The following ZMYM5 variants were observed in gnomAD, a reference collection of about 807,000 sequenced individuals.
The protein encoded by ZMYM5 is zinc finger MYM-type protein 5.
In ZMYM5, 41 loss-of-function variants were observed where a neutral mutation model predicts 61.8. The ratio of observed to expected loss-of-function variants is 0.66; its 90% CI spans 0.52 to 0.86. ZMYM5 has a LOEUF of 0.86. Among genes scored for constraint, ZMYM5 ranks in the 40% least tolerant of loss-of-function variants. The pLI is 0.00. For missense variants in ZMYM5, 706 were observed against 786.7 expected (o/e 0.90, Z 1.23); for synonymous variants, 257 against 276.4 (o/e 0.93, Z 0.70).
intron 7 of ZMYM5, among the ~76,000 whole-genome samples, chr13:19,828,635 G>A (rs1891046072): frequency 6.6e-6 from 1 of 152,160 alleles, no homozygotes; most frequent in African/African-American, 2.4e-5. Flanking sequence ...AGAAACTATA[G>A]TAGTAATTCT....
At position 19,837,768 on chromosome 13, in the gene ZMYM5, G is replaced by T; in HGVS notation, c.926C>A (p.Ser309Tyr). The change falls in exon 6 of 8, where the codon TCC (serine) becomes TAC (tyrosine). Residue 309 changes from serine to tyrosine, a missense_variant. This residue lies in a region of ZMYM5 where 480 missense variants were observed against 461.7 expected (regional missense o/e 1.04). Coordinates refer to ENST00000337963, the MANE Select transcript of ZMYM5 (RefSeq NM_001142684.2). ...NVILPVESSK[S>Y]FQEFYSTSCL... ...AGATGTACTATAAAATTCTTGGAAGGATTTGCTTGATTCTACTGGAAGAAT... is the reference window on the plus strand; with the variant it reads ...AGATGTACTATAAAATTCTTGGAAGTATTTGCTTGATTCTACTGGAAGAAT... 6.3e-7 allele frequency: 1 copy of T among 1,591,710 alleles called. No individual in the cohort carries two copies. The highest frequency in any genetic ancestry group is 1.2e-5 in the South Asian group (1 of 85,754).
chr13:19,858,890 A>C (rs1349826617), intron 2 of ZMYM5, among the ~76,000 whole-genome samples: 1 of 152,184 alleles, frequency 6.6e-6, no homozygotes, highest in Non-Finnish European at 1.5e-5. Context: ...GTTGAGAGAT[A>C]TCTTCCCTCC....
At chr13:19,860,655 C>A (rs886112549) in intron 2 of ZMYM5, among the ~76,000 whole-genome samples, 3 of 151,742 alleles carry the variant, frequency 2.0e-5, no homozygotes, top group Non-Finnish European at 2.9e-5. Context: ...CCAGGCTAGT[C>A]TCGAACTTCT....
intron 4 of ZMYM5, among the ~76,000 whole-genome samples, chr13:19,840,924 G>A (rs1268545787): frequency 3.3e-5 from 5 of 151,244 alleles, no homozygotes; most frequent in Non-Finnish European, 7.4e-5. Flanking sequence ...TGATCCACCC[G>A]CCTTGGCCCC....
intron 2 of ZMYM5, among the ~76,000 whole-genome samples, chr13:19,860,034 G>C (rs1244711342): frequency 2.1e-5 from 3 of 141,152 alleles, no homozygotes; most frequent in African/African-American, 8.0e-5. Flanking sequence ...AGCCCAGGAG[G>C]CAGAGGTTGC....
chr13:19,851,564 A>C (rs969589950), intron 3 of ZMYM5, 116 bp from the exon 4 acceptor site: 2 of 1,541,862 alleles, frequency 1.3e-6, no homozygotes, highest in African/African-American at 2.7e-5. Flanking sequence ...ATATGTAATA[A>C]TTATGTTCAC....
At chr13:19,832,137 C>T (rs1321597396) in intron 7 of ZMYM5, among the ~76,000 whole-genome samples, 9 of 151,630 alleles carry the variant, frequency 5.9e-5, no homozygotes, top group Admixed American at 4.6e-4. Flanking sequence ...GGATTACAGG[C>T]GTGAGGCACC....
chr13:19,826,990 G>C (rs575099661), intron 7 of ZMYM5, among the ~76,000 whole-genome samples: 1 of 152,284 alleles, frequency 6.6e-6, no homozygotes, highest in South Asian at 2.1e-4. Flanking sequence ...AACTAGTTGC[G>C]AAGTACTTGT....
chr13:19,828,645 T>C (rs1430293782), intron 7 of ZMYM5, among the ~76,000 whole-genome samples: 3 of 152,316 alleles, frequency 2.0e-5, no homozygotes, highest in Admixed American at 6.5e-5. Context: ...GTAGTAATTC[T>C]GGCAAAAGAT....
chr13:19,848,900 T>C (rs1953182269), intron 4 of ZMYM5, among the ~76,000 whole-genome samples: 1 of 152,240 alleles, frequency 6.6e-6, no homozygotes, highest in Admixed American at 6.5e-5. Flanking sequence ...AAAGCTTTAA[T>C]TTTTAATATA....
chr13:19,840,641 T>G (rs1307762620), intron 4 of ZMYM5, among the ~76,000 whole-genome samples: 1 of 152,150 alleles, frequency 6.6e-6, no homozygotes, highest in Non-Finnish European at 1.5e-5. Flanking sequence ...CCCAAAGTGC[T>G]AAAATTATAG....
chr13:19,825,866 CCCCGTCTCTG>C (rs1890888910), intron 7 of ZMYM5, among the ~76,000 whole-genome samples: 1 of 151,834 alleles, frequency 6.6e-6, no homozygotes, highest in Non-Finnish European at 1.5e-5. Flanking sequence ...TATGGCGAAA[CCCCGTCTCTG>C]CTAAAAATAC....
chr13:19,847,532 A>C (rs1271442539), intron 4 of ZMYM5, among the ~76,000 whole-genome samples: 2 of 152,222 alleles, frequency 1.3e-5, no homozygotes, highest in Non-Finnish European at 2.9e-5. Context: ...CAAAAATGTA[A>C]GACAATGTTA....
chr13:19,838,898 T>C lies in ZMYM5; in HGVS notation c.674A>G (p.Lys225Arg), dbSNP rs756290824. Residue 225 changes from lysine (K) to arginine (R), a missense_variant, in exon 5 of 8, where the codon AAG (lysine) becomes AGG (arginine). Coordinates refer to ENST00000337963, the MANE Select transcript of ZMYM5 (RefSeq NM_001142684.2). ...DSLSPVALLR[K>R]QNFQPTAQQQ... ...TTGGGCTGTAGGCTGGAAATTCTGC[T>C]TACGAAGTAAGGCCACTGGTGATAA... 1.2e-6 allele frequency: 2 copies of C among 1,614,120 alleles called. No homozygotes were observed. The highest frequency in any genetic ancestry group is 2.2e-5 in the East Asian group (1 of 44,884).
chr13:19,829,953 T>C (rs1040984607), intron 7 of ZMYM5, among the ~76,000 whole-genome samples: 4 of 152,146 alleles, frequency 2.6e-5, no homozygotes, highest in South Asian at 4.1e-4. Flanking sequence ...CATCCACTTA[T>C]CTTTAGTTGC....
In ZMYM5 at chr13:19,859,004, C is replaced by T. The variant is rs539272917; in HGVS notation, c.-11+3395G>A. On this transcript the variant is annotated intron_variant, in intron 2 of 7. Transcript: ENST00000337963. The stretch of plus-strand genomic sequence containing the variant: ...AGATCTAAGTCTTGGGTTCACCAAG[C>T]ACTGGGGAATGTTTCAATACCATGA... Among the ~76,000 whole-genome samples the T allele has an allele frequency of 5.3e-5, 8 of 151,778 alleles. 1 individual carries two copies. The highest frequency in any genetic ancestry group is 1.9e-4 in the African/African-American group (8 of 41,364).
chr13:19,837,936 G>A (rs2138523748), intron 5 of ZMYM5, 115 bp from the exon 6 acceptor site: 1 of 1,218,892 alleles, frequency 8.2e-7, no homozygotes, highest in East Asian at 3.0e-5. Flanking sequence ...TAGAAATCAA[G>A]TATAACTTTT....
intron 4 of ZMYM5, among the ~76,000 whole-genome samples, chr13:19,850,186 T>C (rs551386674): frequency 6.6e-6 from 1 of 152,196 alleles, no homozygotes; most frequent in Non-Finnish European, 1.5e-5. Flanking sequence ...TCACTTGTTA[T>C]GTTTTAATTA....
At chr13:19,858,477 T>C (rs1181439233) in intron 2 of ZMYM5, among the ~76,000 whole-genome samples, 2 of 146,122 alleles carry the variant, frequency 1.4e-5, no homozygotes, top group African/African-American at 5.1e-5. Context: ...CCCAGCTACT[T>C]GGGAAACTGA....
Sources: gnomAD v4.1 joint callset for allele counts (sites outside exome capture counted in the v4.1 genomes callset) on GRCh38, gnomAD v4.1.1 for gene constraint, gnomAD v4.1.1 regional missense constraint, MANE v1.5 for transcripts, NCBI Gene and HGNC (gene_info 2026-07-23, HGNC 2026-07-21) for gene names.